Variants in PSMA1 observed in about 807,000 individuals in gnomAD.
PSMA1 encodes proteasome 20S subunit alpha 1, also known as proteasome subunit alpha type-1.
PSMA1 carries 3 observed loss-of-function variants against 38.4 expected under a neutral mutation model. That is an observed-to-expected ratio of 0.08 (90% CI 0.04 to 0.20). PSMA1 has a LOEUF of 0.20. Ranked by LOEUF, PSMA1 falls within the 10% of genes least tolerant of loss-of-function variation. The pLI, the probability that PSMA1 is intolerant of heterozygous loss-of-function variation, is 1.00. For missense variants in PSMA1, 227 were observed against 325.3 expected (o/e 0.70, Z 2.32); for synonymous variants, 101 against 107.1 (o/e 0.94, Z 0.35).
intron 2 of PSMA1, among the ~76,000 whole-genome samples, chr11:14,545,818 T>C (rs946987900): frequency 6.6e-6 from 1 of 152,352 alleles, no homozygotes; most frequent in East Asian, 1.9e-4. Context: ...CTGCTAATAC[T>C]TTATGATTTC....
intron 7 of PSMA1, 62 bp downstream of exon 7, chr11:14,513,508 A>G (rs1851377112): frequency 1.6e-6 from 2 of 1,287,562 alleles, no homozygotes; most frequent in Non-Finnish European, 2.0e-6. Context: ...TACTATGTTT[A>G]TTTACTATAT....
At chr11:14,578,196 A>C (rs1157614892) in intron 2 of PSMA1, among the ~76,000 whole-genome samples, 1 of 152,188 alleles carries the variant, frequency 6.6e-6, no homozygotes, top group Non-Finnish European at 1.5e-5. Flanking sequence ...CATGTTCTGC[A>C]CATGTACCCC....
chr11:14,602,192 T>A (rs1216065758), intron 2 of PSMA1, among the ~76,000 whole-genome samples: 1 of 152,166 alleles, frequency 6.6e-6, no homozygotes, highest in Non-Finnish European at 1.5e-5. Context: ...GAACACTAAA[T>A]TACAATTGGA....
chr11:14,585,148 T>C (rs565869124), intron 2 of PSMA1, among the ~76,000 whole-genome samples: 7 of 152,378 alleles, frequency 4.6e-5, no homozygotes, highest in Admixed American at 3.9e-4. Flanking sequence ...TTTCCAAGCC[T>C]GACACTAGGC....
At chr11:14,558,627 G>C (rs572452538) in intron 2 of PSMA1, among the ~76,000 whole-genome samples, 58 of 152,330 alleles carry the variant, frequency 3.8e-4, no homozygotes, top group African/African-American at 1.3e-3. Flanking sequence ...TTGGGGAAAA[G>C]TTGAGATGTG....
At chr11:14,598,246 G>A (rs1458017627) in intron 2 of PSMA1, among the ~76,000 whole-genome samples, 3 of 152,058 alleles carry the variant, frequency 2.0e-5, no homozygotes, top group African/African-American at 4.8e-5. Flanking sequence ...TGGAGAGTTC[G>A]GTAGATGACT....
At chr11:14,637,252 A>T (rs184376150) in intron 1 of PSMA1, among the ~76,000 whole-genome samples, 3 of 152,198 alleles carry the variant, frequency 2.0e-5, no homozygotes, top group East Asian at 3.9e-4. Flanking sequence ...GCTTTGCAAT[A>T]CTGTTCTTTG....
chr11:14,634,941 G>A (rs1853093180), intron 1 of PSMA1, among the ~76,000 whole-genome samples: 1 of 152,160 alleles, frequency 6.6e-6, no homozygotes, highest in African/African-American at 2.4e-5. Flanking sequence ...GAAACTTGGA[G>A]CCCACAGTTT....
intron 1 of PSMA1, among the ~76,000 whole-genome samples, chr11:14,519,523 G>A (rs979791670): frequency 1.3e-5 from 2 of 152,126 alleles, no homozygotes. Flanking sequence ...TTAGGGACAT[G>A]TATGACTTAT....
At chr11:14,584,061 T>A (rs753674203) in intron 2 of PSMA1, among the ~76,000 whole-genome samples, 22 of 152,230 alleles carry the variant, frequency 1.4e-4, no homozygotes, top group Non-Finnish European at 2.4e-4. Flanking sequence ...CATAAAGTCC[T>A]TCTTTGAAAG....
At chr11:14,516,661 C>T (rs1198369217) in intron 4 of PSMA1, among the ~76,000 whole-genome samples, 1 of 152,146 alleles carries the variant, frequency 6.6e-6, no homozygotes, top group East Asian at 1.9e-4. Flanking sequence ...TGCAGTGGCT[C>T]ACACCTATAA....
chr11:14,618,718 C>T (rs1475833320), intron 1 of PSMA1, among the ~76,000 whole-genome samples: 2 of 152,154 alleles, frequency 1.3e-5, no homozygotes, highest in African/African-American at 4.8e-5. Context: ...TTTCATGGTC[C>T]TACTATTCCA....
In PSMA1 at chr11:14,585,550, G is replaced by A. The variant is rs539821716; in HGVS notation, c.21+25416C>T. Among the ~76,000 whole-genome samples the A allele has an allele frequency of 3.3e-5, 5 of 152,296 alleles. No homozygotes were observed. The South Asian group carries it at 1.0e-3, about 32-fold the overall frequency. ...AACCCTAGCTAAGCCTATGTTCTCA[G>A]TAACCCCTGCTGAATTGCTAAACCT... On this transcript the variant is annotated intron_variant, in intron 2 of 10. Coordinates refer to the PSMA1 transcript ENST00000418988.
chr11:14,615,097 C>A (rs940208106), intron 1 of PSMA1, among the ~76,000 whole-genome samples: 1 of 152,192 alleles, frequency 6.6e-6, no homozygotes, highest in African/African-American at 2.4e-5. Context: ...CATGCAAGTT[C>A]TTTTGTATAT....
intron 1 of PSMA1, among the ~76,000 whole-genome samples, chr11:14,617,401 T>C (rs1031117998): frequency 6.6e-6 from 1 of 152,204 alleles, no homozygotes; most frequent in Non-Finnish European, 1.5e-5. Context: ...CCCCCTTCCT[T>C]CCTCAACCAT....
intron 1 of PSMA1, among the ~76,000 whole-genome samples, chr11:14,611,370 A>C (rs1433126372): frequency 6.6e-6 from 1 of 152,216 alleles, no homozygotes; most frequent in East Asian, 1.9e-4. Context: ...AATACTTAGC[A>C]CAGTCCTTAA....
At chr11:14,547,516 G>C (rs1454136626) in intron 2 of PSMA1, among the ~76,000 whole-genome samples, 1 of 152,184 alleles carries the variant, frequency 6.6e-6, no homozygotes. Flanking sequence ...AAGTATCACA[G>C]ATGAAGGGAA....
chr11:14,635,353 C>T lies in PSMA1; in HGVS notation c.-166+8102G>A, dbSNP rs555919412. ...TTCTTGTTATTTTTCACAGTTTGCA[C>T]TTACATTTAATATAGTTACCAAAGC... is the stretch of plus-strand genomic sequence containing the variant. On this transcript the variant is annotated intron_variant, in intron 1 of 10. Coordinates refer to the PSMA1 transcript ENST00000418988. Among the ~76,000 whole-genome samples the T allele has an allele frequency of 5.3e-5, 8 of 152,284 alleles. No homozygotes were observed. The East Asian group carries it at 1.5e-3, about 29-fold the overall frequency.
chr11:14,546,469 G>A (rs557351407), intron 2 of PSMA1, among the ~76,000 whole-genome samples: 14 of 152,010 alleles, frequency 9.2e-5, no homozygotes, highest in East Asian at 5.8e-4. Flanking sequence ...ACAGAGTCTC[G>A]CTCTGTTGCC....
Sources: allele counts gnomAD v4.1 joint callset (sites outside exome capture counted in the v4.1 genomes callset), GRCh38; gene constraint gnomAD v4.1.1; transcripts MANE v1.5; gene names NCBI Gene and HGNC (gene_info 2026-07-23, HGNC 2026-07-21).